VEGFC: variants seen among roughly 807,000 people sequenced by gnomAD.
VEGFC encodes FLT4 ligand DHM.
Under a neutral mutation model 46.1 loss-of-function variants are expected in VEGFC, and 12 were observed. The observed-to-expected ratio is 0.26, with a 90% CI of 0.17 to 0.42. The LOEUF (loss-of-function observed/expected upper bound fraction) is 0.42, where lower values mean the gene tolerates loss of function less well. Among genes scored for constraint, VEGFC ranks in the 10% least tolerant of loss-of-function variants. VEGFC has a pLI of 1.00. For synonymous variants in VEGFC, 232 were observed against 195.5 expected (o/e 1.19, Z -1.56); for missense variants, 488 against 529.4 (o/e 0.92, Z 0.77).
Position 176,683,837 on chromosome 4 carries a change from C to T in VEGFC, c.*89G>A, listed in dbSNP as rs1196019628. 1.9e-5 allele frequency: 20 copies of T among 1,078,198 alleles called. No individual in the cohort carries two copies. Among genetic ancestry groups the T allele is most frequent in the Non-Finnish European group, 2.1e-5 (15 of 704,924 alleles). 66.8% of individuals were successfully genotyped at this position (1,078,198 alleles called of 1,614,324 possible). On this transcript the variant is annotated 3_prime_UTR_variant, in exon 7 of 7. Coordinates refer to ENST00000618562, the MANE Select transcript of VEGFC (RefSeq NM_005429.5). ...ACTTTTGTCTTTGTTAGCATGGACC[C>T]ACAAGGGTCTCTCTGTTCACAGACA... is the stretch of plus-strand genomic sequence containing the variant.
Position 176,683,899 on chromosome 4 carries a change from A to G in VEGFC, c.*27T>C, listed in dbSNP as rs1733987092. On this transcript the variant is annotated 3_prime_UTR_variant, in exon 7 of 7. Coordinates refer to ENST00000618562, the MANE Select transcript of VEGFC (RefSeq NM_005429.5). ...GCAACACAGTTTTCCATAATAGAAA[A>G]TCGATGAACTGGAAAACAGTACAAT... 3 of 1,579,618 alleles carry G rather than the reference A, an allele frequency of 1.9e-6. No individual in the cohort carries two copies. Among genetic ancestry groups the G allele is most frequent in the Non-Finnish European group, 2.6e-6 (3 of 1,148,656 alleles).
chr4:176,785,645 C>T (rs368440621), intron 1 of VEGFC, among the ~76,000 whole-genome samples: 1 of 137,710 alleles, frequency 7.3e-6, no homozygotes, highest in Non-Finnish European at 1.6e-5. Flanking sequence ...TCTTTTTTTT[C>T]AATTGCCCAC....
At chr4:176,685,551 T>C (rs2110960621) in intron 6 of VEGFC, among the ~76,000 whole-genome samples, 2 of 152,240 alleles carry the variant, frequency 1.3e-5, no homozygotes. Context: ...ATATTGTCTG[T>C]GTTCATATAA....
chr4:176,761,899 GAAGA>G (rs887887017), intron 1 of VEGFC, among the ~76,000 whole-genome samples: 1 of 152,210 alleles, frequency 6.6e-6, no homozygotes, highest in Non-Finnish European at 1.5e-5. Flanking sequence ...CATCAGCCTG[GAAGA>G]AAATCTGGCC....
Position 176,683,915 on chromosome 4 carries a change from A to T in VEGFC, c.*11T>A. 1 of 1,599,500 alleles carries T rather than the reference A, an allele frequency of 6.3e-7. No individual in the cohort carries two copies. Among genetic ancestry groups the T allele is most frequent in the Non-Finnish European group, 8.6e-7 (1 of 1,166,632 alleles). On this transcript the variant is annotated 3_prime_UTR_variant, in exon 7 of 7. Transcript: ENST00000618562. ...TAATAGAAAATCGATGAACTGGAAA[A>T]CAGTACAATCTTAGCTCATTTGTGG...
chr4:176,684,919 GTT>G (rs1235673208), intron 6 of VEGFC, among the ~76,000 whole-genome samples: 2 of 152,136 alleles, frequency 1.3e-5, no homozygotes, highest in African/African-American at 4.8e-5. Context: ...TAGAGCCAGG[GTT>G]TTGCCATGTT....
intron 4 of VEGFC, among the ~76,000 whole-genome samples, chr4:176,707,613 G>A (rs1734555972): frequency 6.6e-6 from 1 of 152,094 alleles, no homozygotes; most frequent in South Asian, 2.1e-4. Context: ...TATGAGGCCT[G>A]GATGGGGCTA....
rs1485969596 is a variant in VEGFC at position 176,772,958 on chromosome 4, A to C, written c.147+19207T>G. Among the ~76,000 whole-genome samples the C allele has an allele frequency of 7.9e-5, 12 of 152,326 alleles. No homozygotes were observed. The South Asian group carries it at 2.5e-3, about 32-fold the overall frequency. On this transcript the variant is annotated intron_variant, in intron 1 of 6. Coordinates refer to ENST00000618562, the MANE Select transcript of VEGFC (RefSeq NM_005429.5). ...AGACCACGATACCTACCCAAAGTAC[A>C]TTCATTCTCCTTTCCTTCTTTGTGA...
At chr4:176,764,338 C>A (rs1735580290) in intron 1 of VEGFC, among the ~76,000 whole-genome samples, 1 of 152,072 alleles carries the variant, frequency 6.6e-6, no homozygotes, top group African/African-American at 2.4e-5. Context: ...GCTGGAGAGA[C>A]AAAACATTAA....
At chr4:176,707,994 C>T (rs1734565741) in intron 4 of VEGFC, among the ~76,000 whole-genome samples, 1 of 151,602 alleles carries the variant, frequency 6.6e-6, no homozygotes, top group Non-Finnish European at 1.5e-5. Flanking sequence ...AAATGTTAGT[C>T]ATACCATTAC....
intron 1 of VEGFC, among the ~76,000 whole-genome samples, chr4:176,780,748 C>T (rs1426311059): frequency 1.3e-5 from 2 of 152,088 alleles, no homozygotes; most frequent in Non-Finnish European, 2.9e-5. Flanking sequence ...GAAGCCCGAG[C>T]GTCAGTCTTC....
chr4:176,716,827 A>G (rs771370867), intron 3 of VEGFC, among the ~76,000 whole-genome samples: 6 of 152,110 alleles, frequency 3.9e-5, no homozygotes, highest in Non-Finnish European at 8.8e-5. Context: ...CAAACATATC[A>G]ATGTTTGAAA....
intron 1 of VEGFC, among the ~76,000 whole-genome samples, chr4:176,739,777 T>A (rs752520571): frequency 8.7e-5 from 13 of 150,042 alleles, no homozygotes; most frequent in Non-Finnish European, 1.3e-4. Flanking sequence ...AAAAAGAAAA[T>A]CAAAGAATAA....
intron 1 of VEGFC, among the ~76,000 whole-genome samples, chr4:176,779,165 G>C (rs1386693028): frequency 6.6e-6 from 1 of 152,058 alleles, no homozygotes; most frequent in East Asian, 1.9e-4. Context: ...AATCAAAATA[G>C]TGGGAAGATG....
At chr4:176,728,673 C>T (rs1163128203) in intron 2 of VEGFC, among the ~76,000 whole-genome samples, 1 of 152,102 alleles carries the variant, frequency 6.6e-6, no homozygotes, top group Non-Finnish European at 1.5e-5. Context: ...TAATGTACTT[C>T]CTAAGTATAC....
In VEGFC at chr4:176,729,728, G is replaced by T; in HGVS notation, c.166C>A (p.Leu56Met). The change falls in exon 2 of 7, where the codon CTG (leucine) becomes ATG (methionine). Residue 56 changes from leucine to methionine, a missense_variant. Coordinates refer to ENST00000618562, the MANE Select transcript of VEGFC (RefSeq NM_005429.5). ...GACACAGACCGTAACTGCTCCTCCA[G>T]ATCTTTGCTTGCATAAGCCTGTCAA... ...GEATAYASKD[L>M]EEQLRSVSSV... The T allele has an allele frequency of 6.3e-7, 1 of 1,595,850 alleles. No homozygotes were observed. Among genetic ancestry groups the T allele is most frequent in the South Asian group, 1.1e-5 (1 of 88,190 alleles).
At chr4:176,754,140 T>C (rs907096050) in intron 1 of VEGFC, among the ~76,000 whole-genome samples, 13 of 152,192 alleles carry the variant, frequency 8.5e-5, no homozygotes, top group African/African-American at 3.1e-4. Flanking sequence ...TTTCGAATTC[T>C]TTCAATGGTC....
chr4:176,752,515 CAA>C (rs1333458303), intron 1 of VEGFC, among the ~76,000 whole-genome samples: 3 of 152,068 alleles, frequency 2.0e-5, no homozygotes, highest in African/African-American at 7.2e-5. Context: ...GGATAAGATG[CAA>C]AGAGAATCAC....
At chr4:176,698,641 C>G (rs1253952413) in intron 4 of VEGFC, among the ~76,000 whole-genome samples, 1 of 151,962 alleles carries the variant, frequency 6.6e-6, no homozygotes, top group African/African-American at 2.4e-5. Flanking sequence ...AGTAACTATG[C>G]TGTACTATAC....
Sources: allele counts gnomAD v4.1 joint callset (sites outside exome capture counted in the v4.1 genomes callset), GRCh38; gene constraint gnomAD v4.1.1; transcripts MANE v1.5; gene names NCBI Gene and HGNC (gene_info 2026-07-23, HGNC 2026-07-21).